Variants in SRGAP1 observed in about 807,000 individuals in gnomAD.
SRGAP1 encodes the protein SLIT-ROBO Rho GTPase activating protein 1, also known as SLIT-ROBO Rho GTPase-activating protein 1.
A neutral mutation model predicts 121.9 loss-of-function variants in SRGAP1; 43 were observed. The observed-to-expected ratio is 0.35, with a 90% CI of 0.28 to 0.46. The LOEUF (loss-of-function observed/expected upper bound fraction) is 0.46. Ranked by LOEUF, SRGAP1 falls within the 20% of genes least tolerant of loss-of-function variation. SRGAP1 has a pLI of 1.00. For synonymous variants in SRGAP1, 447 were observed against 485.4 expected (o/e 0.92, Z 1.04); for missense variants, 1,102 against 1,350.9 (o/e 0.82, Z 2.89).
At chr12:64,023,614 AATTG>A (rs1435683430) in intron 4 of SRGAP1, among the ~76,000 whole-genome samples, 2 of 152,222 alleles carry the variant, frequency 1.3e-5, no homozygotes, top group African/African-American at 2.4e-5. Context: ...ATCCATGTGA[AATTG>A]ATTGTTAATT....
rs1035914405 is a variant in SRGAP1, at chr12:64,109,093, G to A, written c.1919+56G>A. ...CATCTGAATTCTGTCTTTGTTCTTCGATCCTGTAAAATGTACGTTGGGTTC... is the reference window on the plus strand; with the variant it reads ...CATCTGAATTCTGTCTTTGTTCTTCAATCCTGTAAAATGTACGTTGGGTTC... On this transcript the variant is annotated intron_variant, in intron 16 of 21. Transcript: ENST00000355086. 1.9e-5 allele frequency: 23 copies of A among 1,211,962 alleles called. No individual in the cohort carries two copies. The Admixed American group carries it at 2.6e-4, about 14-fold the overall frequency. The allele number at this position is 1,211,962 out of a possible 1,614,324, so 75.1% of individuals were successfully genotyped here.
At chr12:64,135,882 A>C (rs1316497104) in intron 21 of SRGAP1, among the ~76,000 whole-genome samples, 1 of 152,206 alleles carries the variant, frequency 6.6e-6, no homozygotes. Context: ...CACAATCACA[A>C]GGTCCCACAA....
intron 16 of SRGAP1, 189 bp downstream of exon 16, chr12:64,109,226 AC>A: frequency 2.6e-6 from 1 of 379,664 alleles, no homozygotes; most frequent in African/African-American, 2.1e-5. Context: ...TGAAAGCCCT[AC>A]CCCAGATGTA....
chr12:64,066,989 C>T (rs750918026), intron 8 of SRGAP1, among the ~76,000 whole-genome samples: 18 of 151,710 alleles, frequency 1.2e-4, no homozygotes, highest in Non-Finnish European at 2.4e-4. Flanking sequence ...GCTCACAGAT[C>T]TGTTTTGTTT....
chr12:64,072,142 GT>G, intron 8 of SRGAP1, among the ~76,000 whole-genome samples: 1 of 69,852 alleles, frequency 1.4e-5, no homozygotes, highest in Non-Finnish European at 3.8e-5. Flanking sequence ...GTGTGTGTGT[GT>G]GTGTGGGCGG....
intron 1 of SRGAP1, among the ~76,000 whole-genome samples, chr12:63,952,110 T>C (rs1169643404): frequency 1.3e-5 from 2 of 152,082 alleles, no homozygotes; most frequent in Non-Finnish European, 2.9e-5. Flanking sequence ...AGAGTCTGTG[T>C]CCTCCTTACT....
At chr12:63,924,096 C>A (rs763563799) in intron 1 of SRGAP1, among the ~76,000 whole-genome samples, 16 of 151,584 alleles carry the variant, frequency 1.1e-4, no homozygotes, top group African/African-American at 3.6e-4. Context: ...AGGTGGAGGT[C>A]GTAGTGAGCC....
intron 1 of SRGAP1, among the ~76,000 whole-genome samples, chr12:63,962,166 T>TG (rs1272092032): frequency 2.6e-5 from 4 of 152,242 alleles, no homozygotes; most frequent in Non-Finnish European, 5.9e-5. Context: ...TATATCTATA[T>TG]GGTCTTTTTT....
intron 18 of SRGAP1, 22 bp from the exon 19 acceptor site, chr12:64,125,954 GT>G: frequency 6.2e-7 from 1 of 1,608,210 alleles, no homozygotes. Context: ...GTTTCTCGCT[GT>G]TTTCTGGTGT....
At chr12:63,937,763 C>G (rs1477789174) in intron 1 of SRGAP1, among the ~76,000 whole-genome samples, 4 of 152,240 alleles carry the variant, frequency 2.6e-5, no homozygotes, top group Non-Finnish European at 5.9e-5. Flanking sequence ...TGCTGTCCCT[C>G]ACTAATAACT....
intron 4 of SRGAP1, among the ~76,000 whole-genome samples, chr12:64,026,301 C>A (rs1422940946): frequency 6.6e-6 from 1 of 152,084 alleles, no homozygotes; most frequent in African/African-American, 2.4e-5. Flanking sequence ...ACATCTTAAG[C>A]AGTTTATAGT....
chr12:64,047,135 A>G (rs1048475379), intron 6 of SRGAP1, among the ~76,000 whole-genome samples: 7 of 152,222 alleles, frequency 4.6e-5, no homozygotes, highest in Non-Finnish European at 1.0e-4. Context: ...AATGTGAACA[A>G]TTCTCAAATA....
chr12:64,123,338 C>A (rs1386924247), intron 18 of SRGAP1, among the ~76,000 whole-genome samples: 2 of 151,904 alleles, frequency 1.3e-5, no homozygotes, highest in Non-Finnish European at 2.9e-5. Flanking sequence ...AAAATGAGAC[C>A]CTGTCTCAAA....
intron 1 of SRGAP1, among the ~76,000 whole-genome samples, chr12:63,960,725 TAATC>T (rs761158540): frequency 5.9e-5 from 9 of 152,150 alleles, no homozygotes; most frequent in Non-Finnish European, 1.2e-4. Flanking sequence ...GGGCCCAGTG[TAATC>T]ACAAGGGTCC....
In SRGAP1 at chr12:63,868,053, TA is replaced by T. The variant is rs1565927598; in HGVS notation, c.67+23171del. ...CTATTTCCATATATATATATATATA[TA>T]TATTTTTTTTTTTTTTTTTTTTTTG... On this transcript the variant is annotated intron_variant, in intron 1 of 21. Transcript: ENST00000355086. Among the ~76,000 whole-genome samples the T allele has an allele frequency of 1.1e-3, 40 of 35,870 alleles. 1 individual carries two copies. Among genetic ancestry groups the T allele is most frequent in the African/African-American group, 2.6e-3 (33 of 12,472 alleles). The allele number at this position is 35,870 out of a possible 152,430, so 23.5% of individuals were successfully genotyped here. A position where few individuals can be genotyped will look rare whatever the true frequency, so the allele number is the denominator to read the frequency against.
chr12:64,122,618 G>T (rs2036621762), intron 18 of SRGAP1, among the ~76,000 whole-genome samples: 1 of 152,132 alleles, frequency 6.6e-6, no homozygotes, highest in Non-Finnish European at 1.5e-5. Context: ...AAAATAATAA[G>T]GCCAGGCCCA....
chr12:64,052,928 T>C (rs1299569489), intron 6 of SRGAP1, among the ~76,000 whole-genome samples: 1 of 152,242 alleles, frequency 6.6e-6, no homozygotes, highest in Non-Finnish European at 1.5e-5. Context: ...ACAGTTGTTA[T>C]ACCTTTGCCT....
intron 4 of SRGAP1, among the ~76,000 whole-genome samples, chr12:64,041,875 A>ATATTATTATTATCAT (rs2035032879): frequency 7.2e-6 from 1 of 138,624 alleles, no homozygotes; most frequent in Admixed American, 7.3e-5. Flanking sequence ...ATTTTCTTTT[A>ATATTATTATTATCAT]TATTATTATT....
At chr12:64,004,327 A>G (rs558257276) in intron 3 of SRGAP1, among the ~76,000 whole-genome samples, 1 of 152,274 alleles carries the variant, frequency 6.6e-6, no homozygotes, top group East Asian at 1.9e-4. Flanking sequence ...TATTTATAAA[A>G]GATGAGCACT....
Sources: allele counts gnomAD v4.1 joint callset (sites outside exome capture counted in the v4.1 genomes callset), GRCh38; gene constraint gnomAD v4.1.1; transcripts MANE v1.5; gene names NCBI Gene and HGNC (gene_info 2026-07-23, HGNC 2026-07-21).